Variants in TK1 observed in about 807,000 individuals in gnomAD.
The protein encoded by TK1 is thymidine kinase 1.
A neutral mutation model predicts 22.4 loss-of-function variants in TK1; 13 were observed. The ratio of observed to expected loss-of-function variants is 0.58; its 90% CI spans 0.38 to 0.92. The LOEUF is 0.92. Among genes scored for constraint, TK1 ranks in the 40% least tolerant of loss-of-function variants. The pLI, the probability that TK1 is intolerant of heterozygous loss-of-function variation, is 0.00. For missense variants in TK1, 251 were observed against 315.7 expected, an observed-to-expected ratio of 0.80 and a Z score of 1.55; for synonymous variants, 134 against 125.4, an observed-to-expected ratio of 1.07 and a Z score of -0.46.
intron 4 of TK1, chr17:78,179,886 A>G (rs944145918): frequency 1.0e-5 from 3 of 297,828 alleles, no homozygotes; most frequent in East Asian, 1.8e-4. Context: ...CCCGGTCAAC[A>G]TGATGAAACC....
At position 78,184,796 on chromosome 17, in the gene TK1, C is replaced by G. The variant is rs180863054; in HGVS notation, c.209+259G>C. 6.6e-5 allele frequency among the ~76,000 whole-genome samples: 10 copies of G among 152,186 alleles called. No homozygotes were observed. The East Asian group carries it at 1.7e-3, about 26-fold the overall frequency. On this transcript the variant is annotated intron_variant, in intron 3 of 6. Coordinates refer to ENST00000301634, the MANE Select transcript of TK1 (RefSeq NM_003258.5). ...AAAGCCCAAAAGCATCCCCTCCCCC[C>G]TCCAGTTGCAACAACTAGAAATGTC...
rs559290509 is a variant in TK1 at position 78,185,698 on chromosome 17, GT to G, written c.99-534del. Among the ~76,000 whole-genome samples, 246 of 149,380 alleles carry G rather than the reference GT, an allele frequency of 1.6e-3. 2 individuals carry two copies. Among genetic ancestry groups the G allele is most frequent in the African/African-American group, 5.5e-3 (225 of 40,746 alleles). ...TGCCACCATGCCCAGATAATTTTTG[GT>G]TTTTTTTTTCAGTAGAGATGGGGTT... On this transcript the variant is annotated intron_variant, in intron 2 of 6. Coordinates refer to ENST00000301634, the MANE Select transcript of TK1 (RefSeq NM_003258.5).
At chr17:78,175,506 C>T (rs2075692308) in intron 5 of TK1, 23 bp downstream of exon 5, 2 of 1,607,432 alleles carry the variant, frequency 1.2e-6, no homozygotes, top group Admixed American at 3.4e-5. Flanking sequence ...ATCCCAGCTC[C>T]AGACCTGGAT....
At chr17:78,177,552 G>A (rs2075709329) in intron 4 of TK1, among the ~76,000 whole-genome samples, 1 of 151,150 alleles carries the variant, frequency 6.6e-6, no homozygotes, top group South Asian at 2.1e-4. Flanking sequence ...TTGTGTAGTA[G>A]AACAGAAAAC....
chr17:78,185,042 G>C lies in TK1; in HGVS notation c.209+13C>G, dbSNP rs758846867. ...TTTTCCACTGGACAGGACTGCAGGG[G>C]GCAGGGACTGACCGGTCATGTGTGC... On this transcript the variant is annotated intron_variant, in intron 3 of 6. Coordinates refer to ENST00000301634, the MANE Select transcript of TK1 (RefSeq NM_003258.5). 8 of 1,609,308 alleles carry C rather than the reference G, an allele frequency of 5.0e-6. No individual in the cohort carries two copies. The highest frequency in any genetic ancestry group is 6.8e-6 in the Non-Finnish European group (8 of 1,176,256).
At chr17:78,185,251 T>C (rs1416769785) in intron 2 of TK1, 86 bp from the exon 3 acceptor site, 8 of 1,005,124 alleles carry the variant, frequency 8.0e-6, no homozygotes, top group African/African-American at 6.4e-5. Context: ...GGCTCCTCAT[T>C]GTCCCTAGTG....
chr17:78,175,423 C>G (rs917398542), intron 5 of TK1, 106 bp downstream of exon 5: 3 of 1,232,700 alleles, frequency 2.4e-6, no homozygotes, highest in Admixed American at 2.3e-5. Flanking sequence ...CGGCCGTAAC[C>G]CTGTGGTGGC....
At chr17:78,176,687 A>G (rs546814412) in intron 4 of TK1, among the ~76,000 whole-genome samples, 1 of 152,248 alleles carries the variant, frequency 6.6e-6, no homozygotes, top group African/African-American at 2.4e-5. Flanking sequence ...CCAGCCTGCA[A>G]GGAGCTGTGG....
At position 78,182,599 on chromosome 17, in the gene TK1, T is replaced by G; in HGVS notation, c.293A>C (p.Glu98Ala). The change falls in exon 4 of 7, where the codon GAG (glutamate) becomes GCG (alanine). Residue 98 changes from glutamate (E) to alanine (A), a missense_variant. By Grantham distance (107) the Glu-to-Ala change is moderately radical (BLOSUM62 -1). Transcript: ENST00000301634. ...GACAAGCCAACTTACAAACTGCCCC[T>G]CGTCGATGCCTATGACAGCCACGCC... ...ALGVAVIGID[E>A]GQFFPDIVEF... is the part of the protein sequence containing the mutation. 1 of 1,584,668 alleles carries G rather than the reference T, an allele frequency of 6.3e-7. No homozygotes were observed. The highest frequency in any genetic ancestry group is 8.6e-7 in the Non-Finnish European group (1 of 1,165,418).
chr17:78,187,128 A>G (rs766641233), upstream of TK1: 2 of 1,071,722 alleles, frequency 1.9e-6, no homozygotes, highest in African/African-American at 1.6e-5. Flanking sequence ...CATGGGGCCA[A>G]TCAGCGCCCG....
intron 5 of TK1, 77 bp from the exon 6 acceptor site, chr17:78,175,246 A>G: frequency 7.0e-7 from 1 of 1,428,752 alleles, no homozygotes; most frequent in Non-Finnish European, 9.2e-7. Context: ...TCTGATTCAC[A>G]AGCACTGAAG....
In TK1 at chr17:78,179,663, G is replaced by A. The variant is rs115307592; in HGVS notation, c.303+2926C>T. On this transcript the variant is annotated intron_variant, in intron 4 of 6. Transcript: ENST00000301634. ...TGAGGGGACAGGCCCTGTGACGTCC[G>A]GGCAGGGTATTCAGGCCAGAGCGGC... 2.0e-3 allele frequency: 1,936 copies of A among 985,438 alleles called. 26 individuals carry two copies. The African/African-American group carries it at 0.031, about 16-fold the overall frequency. 61.0% of individuals were successfully genotyped at this position (985,438 alleles called of 1,614,324 possible). A position where few individuals can be genotyped will look rare whatever the true frequency, so the allele number is the denominator to read the frequency against.
intron 4 of TK1, among the ~76,000 whole-genome samples, chr17:78,180,809 A>G (rs2145826220): frequency 6.6e-6 from 1 of 152,334 alleles, no homozygotes; most frequent in African/African-American, 2.4e-5. Context: ...CACACCAGCT[A>G]TAAAGCAGGA....
chr17:78,182,208 C>G (rs1189023492), intron 4 of TK1, among the ~76,000 whole-genome samples: 1 of 151,898 alleles, frequency 6.6e-6, no homozygotes, highest in Non-Finnish European at 1.5e-5. Context: ...AACCCCATCT[C>G]TACTAAAAAT....
At chr17:78,179,309 C>G in intron 4 of TK1, 3 of 985,458 alleles carry the variant, frequency 3.0e-6, no homozygotes, top group Non-Finnish European at 2.4e-6. Flanking sequence ...AGCTGCAGCC[C>G]TATTCCCAGC....
intron 3 of TK1, among the ~76,000 whole-genome samples, chr17:78,183,423 A>T (rs2075752804): frequency 6.6e-6 from 1 of 152,226 alleles, no homozygotes; most frequent in Non-Finnish European, 1.5e-5. Context: ...TTCTGGCCAG[A>T]CACAGCAGCT....
intron 4 of TK1, chr17:78,179,562 C>T (rs994269302): frequency 5.1e-6 from 5 of 985,258 alleles, no homozygotes; most frequent in Middle Eastern, 5.2e-4. Flanking sequence ...AGCCTCCCCA[C>T]GGGAATGGAA....
chr17:78,185,964 AT>A, intron 2 of TK1, among the ~76,000 whole-genome samples: 1 of 152,342 alleles, frequency 6.6e-6, no homozygotes, highest in Middle Eastern at 3.4e-3. Flanking sequence ...CCCCAGGGCC[AT>A]AAAAGAATGT....
intron 4 of TK1, among the ~76,000 whole-genome samples, chr17:78,177,057 C>T (rs73377413): frequency 0.031 from 4,689 of 152,180 alleles, 217 homozygotes; most frequent in African/African-American, 0.1. Context: ...CTTGACCAAC[C>T]TCAGGCTGAG....
Sources: allele counts gnomAD v4.1 joint callset (sites outside exome capture counted in the v4.1 genomes callset), GRCh38; gene constraint gnomAD v4.1.1; transcripts MANE v1.5; gene names NCBI Gene and HGNC (gene_info 2026-07-23, HGNC 2026-07-21).